CRIM1: variants seen among roughly 807,000 people sequenced by gnomAD.
CRIM1 encodes cysteine-rich motor neuron 1 protein.
In CRIM1, 32 loss-of-function variants were observed where a neutral mutation model predicts 116.4. The ratio of observed to expected loss-of-function variants is 0.27; its 90% confidence interval spans 0.21 to 0.37. The LOEUF is 0.37. CRIM1 is among the 10% of genes least tolerant of loss of function. CRIM1 has a pLI of 1.00. For synonymous variants in CRIM1, 590 were observed against 509.2 expected (o/e 1.16, Z -2.13); for missense variants, 1,331 against 1,354.8 (o/e 0.98, Z 0.28).
chr2:36,416,808 C>T (rs1180230968), intron 2 of CRIM1, among the ~76,000 whole-genome samples: 1 of 152,216 alleles, frequency 6.6e-6, no homozygotes, highest in Non-Finnish European at 1.5e-5. Flanking sequence ...GGCTCCAATT[C>T]TTCCTCCCAT....
intron 2 of CRIM1, among the ~76,000 whole-genome samples, chr2:36,420,890 T>C (rs1674004600): frequency 6.6e-6 from 1 of 152,182 alleles, no homozygotes; most frequent in African/African-American, 2.4e-5. Flanking sequence ...GACTTCATTT[T>C]TCAGCCATTT....
chr2:36,356,349 G>C lies in CRIM1; in HGVS notation c.57G>C (p.Ser19=). Reference sequence around the variant, plus strand: ...CCGGCTGCGGGCACCTCCTGGTCTCGCTGCTGGGGCTGCTGCTGCTGCTGG... The same window carrying C: ...CCGGCTGCGGGCACCTCCTGGTCTCCCTGCTGGGGCTGCTGCTGCTGCTGG... ...GLAGCGHLLV[S]LLGLLLLLAR... is the part of the protein sequence containing the mutation. Residue 19 remains serine, a synonymous_variant, in exon 1 of 17, where the codon TCG becomes TCC. Coordinates refer to ENST00000280527, the MANE Select transcript of CRIM1 (RefSeq NM_016441.3). This position sits in a 1 kb window ranked among gnomAD's most constrained non-coding sequence, Gnocchi z 4.3. The C allele has an allele frequency of 1.3e-6, 2 of 1,590,132 alleles. No individual in the cohort carries two copies. Among genetic ancestry groups the C allele is most frequent in the Non-Finnish European group, 1.7e-6 (2 of 1,170,858 alleles).
chr2:36,395,677 C>T lies in CRIM1; in HGVS notation c.332-937C>T, dbSNP rs140087858. Among the ~76,000 whole-genome samples, 163 of 152,250 alleles carry T rather than the reference C, an allele frequency of 1.1e-3. 1 individual carries two copies. Among genetic ancestry groups the T allele is most frequent in the African/African-American group, 3.9e-3 (162 of 41,544 alleles). On this transcript the variant is annotated intron_variant, in intron 1 of 16. Transcript: ENST00000280527. ...ACCTGCTCCATTCCATGATCAGAAC[C>T]TGATTTGGTCTCAGCCTTTGTATTC...
At chr2:36,383,204 T>C (rs1442785191) in intron 1 of CRIM1, among the ~76,000 whole-genome samples, 1 of 152,234 alleles carries the variant, frequency 6.6e-6, no homozygotes, top group Non-Finnish European at 1.5e-5. Context: ...CTGTTATATT[T>C]ACATTTTCTT....
intron 4 of CRIM1, among the ~76,000 whole-genome samples, chr2:36,458,253 G>C (rs1157730998): frequency 1.3e-5 from 2 of 152,116 alleles, no homozygotes; most frequent in African/African-American, 4.8e-5. Flanking sequence ...GGAATGTTAG[G>C]ATAACATCAG....
chr2:36,407,257 A>G (rs552623934), intron 2 of CRIM1, among the ~76,000 whole-genome samples: 1 of 152,306 alleles, frequency 6.6e-6, no homozygotes, highest in Admixed American at 6.5e-5. Context: ...ATTCGTGTGT[A>G]TGTATATGTA....
chr2:36,383,601 C>T (rs910646282), intron 1 of CRIM1, among the ~76,000 whole-genome samples: 1 of 152,020 alleles, frequency 6.6e-6, no homozygotes, highest in East Asian at 1.9e-4. Context: ...GTGTTCAGCA[C>T]AGAGTGAGTA....
At chr2:36,546,787 T>A (rs868143400) in intron 15 of CRIM1, among the ~76,000 whole-genome samples, 197 bp from the exon 16 acceptor site, 1,476 of 131,516 alleles carry the variant, frequency 0.011, 22 homozygotes, top group African/African-American at 0.038. Flanking sequence ...TTTTTTTTTT[T>A]TTTAACATTC....
intron 2 of CRIM1, among the ~76,000 whole-genome samples, chr2:36,437,861 C>T (rs569298995): frequency 6.6e-6 from 1 of 151,804 alleles, no homozygotes; most frequent in South Asian, 2.1e-4. Context: ...CAGCCGGGCG[C>T]GGTGGCTCAC....
chr2:36,384,298 A>G (rs555575003), intron 1 of CRIM1, among the ~76,000 whole-genome samples: 91 of 152,290 alleles, frequency 6.0e-4, no homozygotes, highest in Non-Finnish European at 4.6e-4. Flanking sequence ...GTGGGAGGTA[A>G]CTGGACGGTC....
chr2:36,464,460 CTTTG>C (rs1438793702), intron 4 of CRIM1, 70 bp from the exon 5 acceptor site: 35 of 1,567,012 alleles, frequency 2.2e-5, no homozygotes, highest in African/African-American at 1.2e-4. Flanking sequence ...GCCACTGCCA[CTTTG>C]TTTGTGGTCT....
At chr2:36,501,933 C>T (rs956921291) in intron 8 of CRIM1, among the ~76,000 whole-genome samples, 2 of 152,146 alleles carry the variant, frequency 1.3e-5, no homozygotes, top group Non-Finnish European at 2.9e-5. Context: ...TCTCAAATGG[C>T]CAACCTTGTT....
At chr2:36,469,069 A>G (rs555979805) in intron 5 of CRIM1, among the ~76,000 whole-genome samples, 3 of 152,186 alleles carry the variant, frequency 2.0e-5, no homozygotes, top group Non-Finnish European at 4.4e-5. Context: ...ATACTGAACC[A>G]TTTGTTCTGA....
chr2:36,373,905 G>A (rs1341082960), intron 1 of CRIM1, among the ~76,000 whole-genome samples: 2 of 152,232 alleles, frequency 1.3e-5, no homozygotes, highest in East Asian at 3.9e-4. Flanking sequence ...GTTAGGTTCT[G>A]TTAATTCCAA....
intron 5 of CRIM1, among the ~76,000 whole-genome samples, chr2:36,471,788 C>T (rs1340277871): frequency 6.7e-6 from 1 of 150,220 alleles, no homozygotes; most frequent in Non-Finnish European, 1.5e-5. Flanking sequence ...AGAAAGTTTG[C>T]ATTCAAAGCC....
At chr2:36,459,575 AGTTACTACC>A (rs777747572) in intron 4 of CRIM1, among the ~76,000 whole-genome samples, 2 of 152,188 alleles carry the variant, frequency 1.3e-5, no homozygotes, top group Non-Finnish European at 2.9e-5. Context: ...GCACTTCAAG[AGTTACTACC>A]GTTACGTACT....
At chr2:36,513,498 A>T in intron 10 of CRIM1, 58 bp from the exon 11 acceptor site, 1 of 1,395,130 alleles carries the variant, frequency 7.2e-7, no homozygotes, top group Non-Finnish European at 1.0e-6. Context: ...CAGACTCTGT[A>T]GCCTGTTTCT....
chr2:36,366,219 T>A (rs1438261384), intron 1 of CRIM1, among the ~76,000 whole-genome samples: 1 of 152,194 alleles, frequency 6.6e-6, no homozygotes, highest in Admixed American at 6.5e-5. Context: ...TCCTTCCTGA[T>A]GATCAAACCG....
chr2:36,474,997 A>C (rs1054595290), intron 5 of CRIM1, among the ~76,000 whole-genome samples: 1 of 152,190 alleles, frequency 6.6e-6, no homozygotes, highest in Non-Finnish European at 1.5e-5. Context: ...CTTGATTACT[A>C]TAGCATTGTA....
Sources: allele counts gnomAD v4.1 joint callset (sites outside exome capture counted in the v4.1 genomes callset), GRCh38; gene constraint gnomAD v4.1.1; non-coding constraint Gnocchi (gnomAD v3.1); transcripts MANE v1.5; gene names NCBI Gene and HGNC (gene_info 2026-07-23, HGNC 2026-07-21).